EEPD1: variants seen among roughly 807,000 people sequenced by gnomAD.
EEPD1 encodes the protein endonuclease/exonuclease/phosphatase family domain containing 1.
EEPD1 carries 17 observed loss-of-function variants against 46.3 expected under a neutral mutation model. The observed-to-expected ratio is 0.37, with a 90% confidence interval of 0.25 to 0.55. The LOEUF is 0.55. Among genes scored for constraint, EEPD1 ranks in the 20% least tolerant of loss-of-function variants. The pLI, the probability that EEPD1 is intolerant of heterozygous loss-of-function variation, is 0.83. For synonymous variants in EEPD1, 313 were observed against 315.6 expected, an observed-to-expected ratio of 0.99 and a Z score of 0.09; for missense variants, 673 against 745.6, an observed-to-expected ratio of 0.90 and a Z score of 1.13.
At position 36,225,276 on chromosome 7, in the gene EEPD1, C is replaced by T. The variant is rs770781532; in HGVS notation, c.879-13709C>T. 6.6e-5 allele frequency among the ~76,000 whole-genome samples: 10 copies of T among 152,006 alleles called. No homozygotes were observed. Among genetic ancestry groups the T allele is most frequent in the East Asian group, 3.8e-4 (2 of 5,198 alleles). Reference sequence around the variant, plus strand: ...TGATATGAGTCAGGGTGAAACAAGTCGAGAAAGATTCTGGAAAATATGAGA... The same window carrying T: ...TGATATGAGTCAGGGTGAAACAAGTTGAGAAAGATTCTGGAAAATATGAGA... On this transcript the variant is annotated intron_variant, in intron 2 of 7. Coordinates refer to ENST00000242108, the MANE Select transcript of EEPD1 (RefSeq NM_030636.3). This position sits in a 1 kb window ranked among gnomAD's most constrained non-coding sequence, Gnocchi z 4.2.
chr7:36,239,120 A>G, intron 3 of EEPD1, 84 bp downstream of exon 3: 1 of 1,319,606 alleles, frequency 7.6e-7, no homozygotes, highest in Non-Finnish European at 1.1e-6. Context: ...CTGTCACCAG[A>G]GACAGCCCCT....
chr7:36,156,181 G>T (rs1014608376), intron 2 of EEPD1, among the ~76,000 whole-genome samples: 1 of 151,894 alleles, frequency 6.6e-6, no homozygotes, highest in Admixed American at 6.6e-5. Flanking sequence ...GGCTGGCGGC[G>T]GGGGGGCAGC....
intron 2 of EEPD1, among the ~76,000 whole-genome samples, chr7:36,163,883 G>GAAA (rs11411037): frequency 5.4e-5 from 6 of 111,076 alleles, no homozygotes; most frequent in Non-Finnish European, 7.4e-5. Context: ...ATCTCAGGAA[G>GAAA]AAAAAAAAAA....
chr7:36,153,836 T>C (rs1021227382), intron 1 of EEPD1, among the ~76,000 whole-genome samples, 162 bp downstream of exon 1: 3 of 152,022 alleles, frequency 2.0e-5, no homozygotes, highest in African/African-American at 7.2e-5. Flanking sequence ...AGCCCAAGTG[T>C]GGGTGACCCA....
intron 3 of EEPD1, among the ~76,000 whole-genome samples, chr7:36,269,995 G>C (rs918135337): frequency 2.6e-5 from 4 of 152,326 alleles, no homozygotes; most frequent in Admixed American, 6.5e-5. Flanking sequence ...TCGCCACCAA[G>C]GAGATGGCAC....
At chr7:36,281,284 C>G (rs1562711615) in intron 4 of EEPD1, 59 bp downstream of exon 4, 34 of 1,469,300 alleles carry the variant, frequency 2.3e-5, no homozygotes, top group Non-Finnish European at 3.0e-5. Flanking sequence ...TACTTTTCCC[C>G]TAATCAAGGG....
chr7:36,154,417 C>G lies in EEPD1; in HGVS notation c.93C>G (p.Ser31Arg). ...AGTTCAGCGCAGCCTGTAACTTCAG[C>G]AACATTCTAGTGAATCAGGAGCGGC... is the stretch of plus-strand genomic sequence containing the variant. The part of the protein sequence containing the change: ...SRKFSAACNF[S>R]NILVNQERLN... The change falls in exon 2 of 8, where the codon AGC becomes AGG. Residue 31 changes from serine (S) to arginine (R), a missense_variant. Physicochemically the swap from Ser to Arg is moderately radical, Grantham distance 110 (BLOSUM62 -1). Coordinates refer to ENST00000242108, the MANE Select transcript of EEPD1 (RefSeq NM_030636.3). This position sits in a 1 kb window ranked among gnomAD's most constrained non-coding sequence, Gnocchi z 4.2. 6.2e-7 allele frequency: 1 copy of G among 1,614,192 alleles called. No individual in the cohort carries two copies. The highest frequency in any genetic ancestry group is 8.5e-7 in the Non-Finnish European group (1 of 1,180,042).
At chr7:36,175,772 T>C (rs1785166164) in intron 2 of EEPD1, among the ~76,000 whole-genome samples, 1 of 152,130 alleles carries the variant, frequency 6.6e-6, no homozygotes, top group African/African-American at 2.4e-5. Context: ...GAGCCGCTGC[T>C]CCAGAGCCAT....
chr7:36,243,775 T>C (rs988239694), intron 3 of EEPD1, among the ~76,000 whole-genome samples: 5 of 152,080 alleles, frequency 3.3e-5, no homozygotes, highest in Non-Finnish European at 7.4e-5. Context: ...GAAATCATCA[T>C]TCTCAGTAAA....
At chr7:36,166,677 C>T (rs942022995) in intron 2 of EEPD1, among the ~76,000 whole-genome samples, 2 of 152,158 alleles carry the variant, frequency 1.3e-5, no homozygotes, top group East Asian at 1.9e-4. Flanking sequence ...ATTTCAAATA[C>T]AATATTTGCA....
rs918138538 is a variant in EEPD1, at chr7:36,177,992, G to A, written c.878+22790G>A. On this transcript the variant is annotated intron_variant, in intron 2 of 7. Transcript: ENST00000242108. ...GCCTCCCAAAGTGCTGGGATTACAG[G>A]CATGAGCCACCGCGCCTGGCACCTT... is the stretch of plus-strand genomic sequence containing the variant. Among the ~76,000 whole-genome samples, 9 of 152,166 alleles carry A rather than the reference G, an allele frequency of 5.9e-5. 1 individual carries two copies. The South Asian group carries it at 1.2e-3, about 21-fold the overall frequency.
At chr7:36,187,799 T>A (rs563668212) in intron 2 of EEPD1, among the ~76,000 whole-genome samples, 11 of 152,276 alleles carry the variant, frequency 7.2e-5, no homozygotes, top group Non-Finnish European at 4.4e-5. Flanking sequence ...GGTATTTTTT[T>A]ATTATTTATT....
intron 3 of EEPD1, among the ~76,000 whole-genome samples, chr7:36,280,415 C>G (rs1423515460): frequency 6.6e-6 from 1 of 152,128 alleles, no homozygotes; most frequent in African/African-American, 2.4e-5. Context: ...GGCATGACCC[C>G]AAGAGAAGGG....
chr7:36,263,893 CA>C (rs1404324375), intron 3 of EEPD1, among the ~76,000 whole-genome samples: 2 of 152,170 alleles, frequency 1.3e-5, no homozygotes, highest in Admixed American at 1.3e-4. Flanking sequence ...TGCAAGGATA[CA>C]TTTGCGAGTA....
intron 3 of EEPD1, among the ~76,000 whole-genome samples, chr7:36,273,823 C>G (rs1293735519): frequency 6.6e-6 from 1 of 152,192 alleles, no homozygotes; most frequent in Non-Finnish European, 1.5e-5. Context: ...TCCTTCCACC[C>G]ATAAATGTGG....
chr7:36,222,843 C>T (rs1288583602), intron 2 of EEPD1, among the ~76,000 whole-genome samples: 1 of 152,182 alleles, frequency 6.6e-6, no homozygotes, highest in Non-Finnish European at 1.5e-5. Flanking sequence ...GCCTCACCTC[C>T]TAATGCCATC....
intron 3 of EEPD1, among the ~76,000 whole-genome samples, chr7:36,273,006 G>A (rs1787134199): frequency 6.6e-6 from 1 of 152,212 alleles, no homozygotes; most frequent in Non-Finnish European, 1.5e-5. Context: ...ACTGACCTCT[G>A]TGTGAAATCT....
chr7:36,219,804 A>AGTGTGTGT (rs770071168), intron 2 of EEPD1, among the ~76,000 whole-genome samples: 1,621 of 87,570 alleles, frequency 0.019, 10 homozygotes, highest in Middle Eastern at 0.04. Flanking sequence ...AGAGAGAGAG[A>AGTGTGTGT]GAGTGTGTGT....
intron 2 of EEPD1, 144 bp downstream of exon 2, chr7:36,155,346 C>T (rs552321846): frequency 9.9e-6 from 10 of 1,012,474 alleles, no homozygotes; most frequent in East Asian, 5.9e-5. Context: ...CAGCCAATAC[C>T]GTCACCTGAG....
Sources: gnomAD v4.1 joint callset for allele counts (sites outside exome capture counted in the v4.1 genomes callset) on GRCh38, gnomAD v4.1.1 for gene constraint, Gnocchi (gnomAD v3.1) non-coding constraint, MANE v1.5 for transcripts, NCBI Gene and HGNC (gene_info 2026-07-23, HGNC 2026-07-21) for gene names.